Variants in CCDC178 observed in about 807,000 individuals in gnomAD.
The protein encoded by CCDC178 is coiled-coil domain containing 178.
A neutral mutation model predicts 117.4 loss-of-function variants in CCDC178; 126 were observed. The ratio of observed to expected loss-of-function variants is 1.07; its 90% CI spans 0.93 to 1.24. The LOEUF is 1.24. CCDC178 is among the 50% of genes most tolerant of loss of function. The probability of loss-of-function intolerance (pLI) is 0.00; values close to 1 mark genes in which losing one functional copy is unlikely to be tolerated. For synonymous variants in CCDC178, 283 were observed against 313.4 expected (o/e 0.90, Z 1.02); for missense variants, 1,030 against 986.9 (o/e 1.04, Z -0.59).
intron 20 of CCDC178, among the ~76,000 whole-genome samples, chr18:33,203,685 A>G (rs576477169): frequency 6.6e-6 from 1 of 152,266 alleles, no homozygotes; most frequent in Admixed American, 6.5e-5. Context: ...TCTGCTCAAA[A>G]CCTGAAATAT....
chr18:33,262,003 A>T (rs1484866006), intron 14 of CCDC178, among the ~76,000 whole-genome samples: 1 of 152,108 alleles, frequency 6.6e-6, no homozygotes, highest in Non-Finnish European at 1.5e-5. Context: ...CTAAGTAGAC[A>T]TTCATGATTT....
chr18:33,224,970 T>C (rs2059285664), intron 16 of CCDC178, 34 bp from the exon 17 acceptor site: 2 of 1,447,256 alleles, frequency 1.4e-6, no homozygotes, highest in East Asian at 4.9e-5. Flanking sequence ...ATCATTCAGT[T>C]ATTAACTTAA....
intron 20 of CCDC178, among the ~76,000 whole-genome samples, chr18:33,156,933 C>A (rs1158032793): frequency 6.6e-6 from 1 of 152,158 alleles, no homozygotes; most frequent in Non-Finnish European, 1.5e-5. Context: ...AATATTGTTA[C>A]CATTTTATCT....
intron 8 of CCDC178, among the ~76,000 whole-genome samples, chr18:33,346,905 T>A (rs1489938003): frequency 2.0e-5 from 3 of 152,220 alleles, no homozygotes; most frequent in Non-Finnish European, 4.4e-5. Context: ...ATTTTGAAAC[T>A]CTATTTATTT....
intron 21 of CCDC178, among the ~76,000 whole-genome samples, chr18:32,997,708 G>A (rs138193480): frequency 1.6e-4 from 24 of 151,324 alleles, no homozygotes; most frequent in Middle Eastern, 3.4e-3. Flanking sequence ...CTATCTATTC[G>A]TCTATCTATC....
At chr18:33,438,773 T>C (rs1218405356) in intron 2 of CCDC178, among the ~76,000 whole-genome samples, 3 of 152,156 alleles carry the variant, frequency 2.0e-5, no homozygotes. Flanking sequence ...GCTTAATCTT[T>C]CTGCTTTTCC....
intron 14 of CCDC178, among the ~76,000 whole-genome samples, chr18:33,259,704 G>A (rs370406056): frequency 2.0e-4 from 30 of 152,056 alleles, no homozygotes; most frequent in African/African-American, 7.2e-4. Context: ...CGAGATTTGG[G>A]TGGGGACTTA....
Position 33,182,726 on chromosome 18 carries a change from T to C in CCDC178, c.2238+29170A>G, listed in dbSNP as rs182512387. Among the ~76,000 whole-genome samples, 13 of 152,122 alleles carry C rather than the reference T, an allele frequency of 8.5e-5. No homozygotes were observed. In the East Asian group the frequency reaches 2.5e-3, roughly 29 times the overall value. On this transcript the variant is annotated intron_variant, in intron 20 of 22. Transcript: ENST00000383096. Reference sequence around the variant, plus strand: ...CTCTATTATACATTACTGAGATATATAAAAAAGTGTAACTCTAAAATCATT... The same window carrying C: ...CTCTATTATACATTACTGAGATATACAAAAAAGTGTAACTCTAAAATCATT...
chr18:33,383,673 C>A (rs1162297179), intron 5 of CCDC178, among the ~76,000 whole-genome samples: 1 of 151,998 alleles, frequency 6.6e-6, no homozygotes, highest in Non-Finnish European at 1.5e-5. Context: ...ACAACAACAT[C>A]AACAAAAAAG....
chr18:33,247,568 T>C (rs2059565916), intron 14 of CCDC178, among the ~76,000 whole-genome samples: 1 of 151,764 alleles, frequency 6.6e-6, no homozygotes, highest in African/African-American at 2.4e-5. Flanking sequence ...ACACAAAAAA[T>C]ATGGGGTGTG....
chr18:33,175,042 A>AT lies in CCDC178; in HGVS notation c.2238+36853dup, dbSNP rs561300705. Among the ~76,000 whole-genome samples the AT allele has an allele frequency of 5.5e-5, 7 of 127,032 alleles. No individual in the cohort carries two copies. In the South Asian group the frequency reaches 6.6e-4, roughly 12 times the overall value. 83.3% of individuals were successfully genotyped at this position (127,032 alleles called of 152,430 possible). A position where few individuals can be genotyped will look rare whatever the true frequency, so the allele number is the denominator to read the frequency against. ...TAATTTTTTATTTTTTTATTTTTTT[A>AT]TTTTTTTTGGTATTTTTAGTTGAGA... On this transcript the variant is annotated intron_variant, in intron 20 of 22. Transcript: ENST00000383096.
intron 21 of CCDC178, among the ~76,000 whole-genome samples, chr18:32,989,069 C>T (rs1226437579): frequency 6.6e-6 from 1 of 152,048 alleles, no homozygotes; most frequent in Non-Finnish European, 1.5e-5. Flanking sequence ...TATGCCAACT[C>T]TTTCAGAAAA....
chr18:32,980,886 T>C (rs559141778), intron 21 of CCDC178, among the ~76,000 whole-genome samples: 11 of 152,298 alleles, frequency 7.2e-5, no homozygotes, highest in Non-Finnish European at 1.3e-4. Context: ...AAACTACAAT[T>C]TCGTATTGAA....
intron 12 of CCDC178, among the ~76,000 whole-genome samples, chr18:33,274,925 T>C (rs1394958521): frequency 6.6e-6 from 1 of 152,062 alleles, no homozygotes; most frequent in Non-Finnish European, 1.5e-5. Context: ...ACGATTACTT[T>C]AGCCCTGGCC....
chr18:32,985,713 A>T (rs185586304), intron 21 of CCDC178, among the ~76,000 whole-genome samples: 6 of 152,184 alleles, frequency 3.9e-5, no homozygotes, highest in Admixed American at 6.5e-5. Context: ...TATAAATAGC[A>T]ATGATTAATA....
intron 22 of CCDC178, among the ~76,000 whole-genome samples, chr18:32,959,893 C>A (rs1230146100): frequency 3.3e-5 from 5 of 151,704 alleles, no homozygotes; most frequent in South Asian, 2.1e-4. Flanking sequence ...ATGCTGGAGT[C>A]TTTTGTTGTT....
At chr18:33,042,578 G>T (rs2056569121) in intron 21 of CCDC178, among the ~76,000 whole-genome samples, 1 of 151,896 alleles carries the variant, frequency 6.6e-6, no homozygotes, top group South Asian at 2.1e-4. Context: ...AGCTGTAGAA[G>T]ACATTTGGAG....
chr18:33,338,662 C>T (rs898853811), intron 9 of CCDC178, among the ~76,000 whole-genome samples: 4 of 151,990 alleles, frequency 2.6e-5, no homozygotes, highest in Admixed American at 2.6e-4. Context: ...AACCAAATAT[C>T]GTATGTTCTC....
At chr18:33,015,519 C>T (rs191879748) in intron 21 of CCDC178, among the ~76,000 whole-genome samples, 2 of 151,954 alleles carry the variant, frequency 1.3e-5, no homozygotes, top group East Asian at 1.9e-4. Context: ...GAGCCGAGAT[C>T]GCACCACTGC....
Sources: allele counts gnomAD v4.1 joint callset (sites outside exome capture counted in the v4.1 genomes callset), GRCh38; gene constraint gnomAD v4.1.1; transcripts MANE v1.5; gene names NCBI Gene and HGNC (gene_info 2026-07-23, HGNC 2026-07-21).